PRKCB: variants seen among roughly 807,000 people sequenced by gnomAD.
PRKCB encodes protein kinase C beta.
Under a neutral mutation model 81.5 loss-of-function variants are expected in PRKCB, and 13 were observed. That is an observed-to-expected ratio of 0.16 (90% CI 0.10 to 0.25). The LOEUF (loss-of-function observed/expected upper bound fraction) is 0.25. PRKCB is among the 10% of genes least tolerant of loss of function. The probability of loss-of-function intolerance (pLI) is 1.00; values close to 1 mark genes in which losing one functional copy is unlikely to be tolerated. For missense variants in PRKCB, 509 were observed against 875.7 expected (o/e 0.58, Z 5.29); for synonymous variants, 335 against 321.4 (o/e 1.04, Z -0.45).
intron 9 of PRKCB, among the ~76,000 whole-genome samples, chr16:24,126,393 CT>C (rs373413091): frequency 2.0e-5 from 3 of 151,630 alleles, no homozygotes; most frequent in Admixed American, 6.6e-5. Flanking sequence ...TAAATGAGCA[CT>C]TTTTTTTTCT....
rs566954573 is a variant in PRKCB at position 24,022,215 on chromosome 16, A to G, written c.289-9921A>G. On this transcript the variant is annotated intron_variant, in intron 3 of 16. Coordinates refer to ENST00000643927, the MANE Select transcript of PRKCB (RefSeq NM_002738.7). ...ACTCGGGAGTTTAGGGGATGTGTTC[A>G]CATGGGGTTGGATTCCAGCACTGTT... Among the ~76,000 whole-genome samples, 222 of 152,216 alleles carry G rather than the reference A, an allele frequency of 1.5e-3. 1 individual carries two copies. Among genetic ancestry groups the G allele is most frequent in the African/African-American group, 5.1e-3 (213 of 41,546 alleles).
chr16:24,086,798 G>A (rs960418586), intron 5 of PRKCB, among the ~76,000 whole-genome samples: 1 of 151,992 alleles, frequency 6.6e-6, no homozygotes, highest in African/African-American at 2.4e-5. Context: ...TCAATTTTGG[G>A]TATATCTTTT....
chr16:24,081,314 AG>A (rs949957288), intron 5 of PRKCB, among the ~76,000 whole-genome samples: 41 of 151,998 alleles, frequency 2.7e-4, no homozygotes, highest in Admixed American at 4.6e-4. Flanking sequence ...ATCTAAAGAA[AG>A]AAAAAAAATT....
chr16:24,001,729 G>A (rs1472071233), intron 3 of PRKCB, among the ~76,000 whole-genome samples: 3 of 152,014 alleles, frequency 2.0e-5, no homozygotes, highest in East Asian at 3.9e-4. Flanking sequence ...TTAGAGCAAC[G>A]AAGAATTTCT....
chr16:23,892,013 T>C (rs1439311532), intron 2 of PRKCB, among the ~76,000 whole-genome samples: 1 of 152,152 alleles, frequency 6.6e-6, no homozygotes, highest in Non-Finnish European at 1.5e-5. Context: ...TAGAGCTGTA[T>C]CACCAACAGC....
At chr16:24,110,144 G>A (rs1966655985) in intron 7 of PRKCB, among the ~76,000 whole-genome samples, 2 of 119,264 alleles carry the variant, frequency 1.7e-5, no homozygotes, top group Non-Finnish European at 1.7e-5. Context: ...AGGGAGAGGA[G>A]GGAGAGGAGG....
chr16:24,039,491 A>G (rs1003850971), intron 5 of PRKCB, among the ~76,000 whole-genome samples: 2 of 152,166 alleles, frequency 1.3e-5, no homozygotes, highest in Admixed American at 1.3e-4. Context: ...TGGCCTCCCA[A>G]AGTGTTGGGA....
chr16:24,120,370 A>C (rs1966786188), intron 8 of PRKCB, among the ~76,000 whole-genome samples: 1 of 152,180 alleles, frequency 6.6e-6, no homozygotes, highest in African/African-American at 2.4e-5. Flanking sequence ...ATAAAGAGAA[A>C]ATGGCGGATG....
chr16:23,910,217 G>A (rs180707238), intron 2 of PRKCB, among the ~76,000 whole-genome samples: 126 of 152,216 alleles, frequency 8.3e-4, no homozygotes, highest in Middle Eastern at 3.4e-3. Flanking sequence ...GATAGATGAC[G>A]TCACTTGATG....
At chr16:23,925,869 G>A (rs1175022206) in intron 2 of PRKCB, among the ~76,000 whole-genome samples, 9 of 151,432 alleles carry the variant, frequency 5.9e-5, no homozygotes, top group Admixed American at 2.6e-4. Flanking sequence ...CTGTGTCTAT[G>A]TGTATTATAT....
At chr16:24,104,821 G>A (rs961220394) in intron 7 of PRKCB, among the ~76,000 whole-genome samples, 17 of 152,162 alleles carry the variant, frequency 1.1e-4, no homozygotes, top group African/African-American at 3.6e-4. Context: ...AGGAGGATTA[G>A]GTCTTGGAGG....
In PRKCB at chr16:24,215,769, T is replaced by C; in HGVS notation, c.*953T>C. 1.0e-6 allele frequency: 1 copy of C among 985,830 alleles called. No homozygotes were observed. Among genetic ancestry groups the C allele is most frequent in the South Asian group, 4.7e-5 (1 of 21,284 alleles). The allele number at this position is 985,830 out of a possible 1,614,324, so 61.1% of individuals were successfully genotyped here. A position where few individuals can be genotyped will look rare whatever the true frequency, so the allele number is the denominator to read the frequency against. On this transcript the variant is annotated 3_prime_UTR_variant, in exon 17 of 17. Coordinates refer to ENST00000643927, the MANE Select transcript of PRKCB (RefSeq NM_002738.7). ...TAACCAAGAAGACGGCTGCGGAGCC[T>C]AGCAGACTCAGGCCTGTGGGAATGG...
At chr16:24,041,282 G>C (rs1965694594) in intron 5 of PRKCB, among the ~76,000 whole-genome samples, 1 of 152,046 alleles carries the variant, frequency 6.6e-6, no homozygotes, top group Admixed American at 6.6e-5. Flanking sequence ...TCGATCTCCT[G>C]ACCTCATGAT....
chr16:24,025,381 T>G (rs1307128479), intron 3 of PRKCB, among the ~76,000 whole-genome samples: 1 of 152,232 alleles, frequency 6.6e-6, no homozygotes, highest in Non-Finnish European at 1.5e-5. Context: ...TTTATAGGGC[T>G]GTTATGAGGA....
chr16:23,877,927 A>G (rs1045565440), intron 2 of PRKCB, among the ~76,000 whole-genome samples: 2 of 150,918 alleles, frequency 1.3e-5, no homozygotes, highest in Non-Finnish European at 2.9e-5. Context: ...TCCGCCTCCC[A>G]GGGTCAGGTG....
intron 3 of PRKCB, among the ~76,000 whole-genome samples, chr16:24,013,781 C>A (rs201899578): frequency 1.1e-3 from 156 of 137,928 alleles, no homozygotes; most frequent in South Asian, 2.5e-3. Flanking sequence ...TGTGGAATTG[C>A]AAAAAAAAAA....
chr16:24,208,875 C>T (rs1217453837), intron 16 of PRKCB, among the ~76,000 whole-genome samples: 1 of 152,172 alleles, frequency 6.6e-6, no homozygotes, highest in African/African-American at 2.4e-5. Context: ...GATCTGCCAG[C>T]CCTGTAAGCT....
At chr16:23,977,112 C>A (rs898836318) in intron 2 of PRKCB, among the ~76,000 whole-genome samples, 7 of 152,132 alleles carry the variant, frequency 4.6e-5, no homozygotes, top group Non-Finnish European at 2.9e-5. Context: ...TCTCTTCCTC[C>A]CCTCTTCCAG....
At chr16:24,129,380 G>A (rs553535659) in intron 9 of PRKCB, among the ~76,000 whole-genome samples, 155 of 152,214 alleles carry the variant, frequency 1.0e-3, no homozygotes, top group Non-Finnish European at 2.0e-3. Flanking sequence ...GAAGCTGAAA[G>A]AAGCTTCAGC....
Sources: gnomAD v4.1 joint callset for allele counts (sites outside exome capture counted in the v4.1 genomes callset) on GRCh38, gnomAD v4.1.1 for gene constraint, MANE v1.5 for transcripts, NCBI Gene and HGNC (gene_info 2026-07-23, HGNC 2026-07-21) for gene names.